Variants in RANBP17 observed in about 807,000 individuals in gnomAD.
RANBP17 encodes RAN binding protein 17.
Under a neutral mutation model 141.2 loss-of-function variants are expected in RANBP17, and 158 were observed. The ratio of observed to expected loss-of-function variants is 1.12; its 90% CI spans 0.98 to 1.28. The LOEUF is 1.28. Ranked by LOEUF, RANBP17 falls within the 50% of genes most tolerant of loss-of-function variation. The pLI, the probability that RANBP17 is intolerant of heterozygous loss-of-function variation, is 0.00. For synonymous variants in RANBP17, 430 were observed against 450.0 expected, an observed-to-expected ratio of 0.96 and a Z score of 0.56; for missense variants, 1,438 against 1,290.7, an observed-to-expected ratio of 1.11 and a Z score of -1.75.
At chr5:171,051,131 A>T (rs1782924868) in intron 14 of RANBP17, among the ~76,000 whole-genome samples, 1 of 152,002 alleles carries the variant, frequency 6.6e-6, no homozygotes. Context: ...CTTAGTTTTC[A>T]GCAATATGTC....
At chr5:171,224,917 T>C (rs913552352) in intron 22 of RANBP17, among the ~76,000 whole-genome samples, 1 of 152,248 alleles carries the variant, frequency 6.6e-6, no homozygotes, top group African/African-American at 2.4e-5. Flanking sequence ...CTAGTTAATA[T>C]GACCTTGGTT....
At chr5:171,090,099 G>C (rs1277988939) in intron 14 of RANBP17, among the ~76,000 whole-genome samples, 1 of 152,248 alleles carries the variant, frequency 6.6e-6, no homozygotes, top group Non-Finnish European at 1.5e-5. Flanking sequence ...GTAACAGGCA[G>C]AGACTGAAAC....
intron 12 of RANBP17, among the ~76,000 whole-genome samples, chr5:170,944,964 C>T (rs1774632180): frequency 6.6e-6 from 1 of 152,256 alleles, no homozygotes; most frequent in Admixed American, 6.5e-5. Flanking sequence ...TTGATTTTTT[C>T]CTCTATCTTA....
At chr5:170,965,116 T>A (rs1026082475) in intron 13 of RANBP17, among the ~76,000 whole-genome samples, 2 of 152,088 alleles carry the variant, frequency 1.3e-5, no homozygotes, top group African/African-American at 4.8e-5. Flanking sequence ...GGTATCTCAT[T>A]GTGGTTTTGA....
intron 14 of RANBP17, among the ~76,000 whole-genome samples, chr5:171,063,354 C>G (rs1169334099): frequency 1.3e-5 from 2 of 152,184 alleles, no homozygotes; most frequent in Non-Finnish European, 2.9e-5. Flanking sequence ...GATGTCCTTT[C>G]TGTTTGTTAG....
intron 12 of RANBP17, among the ~76,000 whole-genome samples, chr5:170,944,629 A>T (rs1211146042): frequency 3.3e-5 from 5 of 152,204 alleles, no homozygotes; most frequent in African/African-American, 1.2e-4. Context: ...CTCATTCAGT[A>T]CTTGCTCGAT....
intron 11 of RANBP17, among the ~76,000 whole-genome samples, chr5:170,920,854 G>A (rs1772391621): frequency 6.6e-6 from 1 of 152,152 alleles, no homozygotes; most frequent in Non-Finnish European, 1.5e-5. Context: ...GTGATGATGA[G>A]CATTTTTTCA....
At chr5:171,107,324 A>G (rs1238369056) in intron 14 of RANBP17, among the ~76,000 whole-genome samples, 1 of 152,224 alleles carries the variant, frequency 6.6e-6, no homozygotes, top group African/African-American at 2.4e-5. Context: ...GTTCAGAACT[A>G]TACTATATTG....
chr5:171,243,090 C>G (rs557464429), intron 24 of RANBP17: 1 of 404,870 alleles, frequency 2.5e-6, no homozygotes, highest in East Asian at 5.2e-5. Flanking sequence ...AGTCCTTGTA[C>G]AAATGTGTAC....
At chr5:171,261,017 T>C (rs1270874715) in intron 24 of RANBP17, among the ~76,000 whole-genome samples, 1 of 149,224 alleles carries the variant, frequency 6.7e-6, no homozygotes, top group African/African-American at 2.5e-5. Flanking sequence ...ATGAATGTAA[T>C]ATGCGAGTGA....
At chr5:170,963,542 G>A (rs3849713) in intron 13 of RANBP17, among the ~76,000 whole-genome samples, 93,108 of 152,086 alleles carry the variant, frequency 0.61, 29,879 homozygotes, top group South Asian at 0.88. Context: ...TCCATGGACC[G>A]GGGCAGGGGA....
At chr5:171,015,025 T>A (rs1437435163) in intron 14 of RANBP17, among the ~76,000 whole-genome samples, 1 of 152,112 alleles carries the variant, frequency 6.6e-6, no homozygotes, top group Admixed American at 6.6e-5. Flanking sequence ...AGAAATCTGC[T>A]GTAATCCTTT....
At chr5:170,955,555 G>GTA (rs71910042) in intron 13 of RANBP17, among the ~76,000 whole-genome samples, 3 of 77,794 alleles carry the variant, frequency 3.9e-5, no homozygotes, top group Admixed American at 1.7e-4. Context: ...CTCAGTCTGT[G>GTA]TATATATATA....
At chr5:171,279,863 T>G (rs1477494178) in intron 25 of RANBP17, among the ~76,000 whole-genome samples, 1 of 152,168 alleles carries the variant, frequency 6.6e-6, no homozygotes, top group East Asian at 1.9e-4. Flanking sequence ...TAATTAAGGC[T>G]TCTTATCACT....
chr5:170,995,860 A>T (rs1581346489), intron 14 of RANBP17, among the ~76,000 whole-genome samples: 1 of 152,246 alleles, frequency 6.6e-6, no homozygotes, highest in Middle Eastern at 3.4e-3. Context: ...ATTGGAAGAA[A>T]ATACATTTAA....
At chr5:171,189,486 G>A (rs1466942764) in intron 18 of RANBP17, among the ~76,000 whole-genome samples, 1 of 152,154 alleles carries the variant, frequency 6.6e-6, no homozygotes, top group Non-Finnish European at 1.5e-5. Context: ...TCTTTACATT[G>A]CAGATGCTCA....
chr5:171,110,092 AT>A (rs1443008706), intron 14 of RANBP17, among the ~76,000 whole-genome samples: 10 of 151,190 alleles, frequency 6.6e-5, no homozygotes, highest in African/African-American at 1.5e-4. Flanking sequence ...ATCATATAAA[AT>A]TTTTTTTTCT....
chr5:171,092,989 A>T (rs1245965594), intron 14 of RANBP17, among the ~76,000 whole-genome samples: 1 of 152,218 alleles, frequency 6.6e-6, no homozygotes, highest in Non-Finnish European at 1.5e-5. Flanking sequence ...GTGGGAAGAC[A>T]AGTGTATTGT....
chr5:171,131,574 A>G (rs1756924056), intron 14 of RANBP17, among the ~76,000 whole-genome samples: 1 of 152,248 alleles, frequency 6.6e-6, no homozygotes, highest in Non-Finnish European at 1.5e-5. Context: ...AGACCCACTC[A>G]TAAGAATAAG....
Sources: gnomAD v4.1 joint callset for allele counts (sites outside exome capture counted in the v4.1 genomes callset) on GRCh38, gnomAD v4.1.1 for gene constraint, MANE v1.5 for transcripts, NCBI Gene and HGNC (gene_info 2026-07-23, HGNC 2026-07-21) for gene names.